The following PLEKHB1 variants were observed in gnomAD, a reference collection of about 807,000 sequenced individuals.
PLEKHB1 encodes pleckstrin homology domain-containing family B member 1.
PLEKHB1 carries 29 observed loss-of-function variants against 36.2 expected under a neutral mutation model. The observed-to-expected ratio is 0.80, with a 90% confidence interval of 0.60 to 1.09. The LOEUF is 1.09. PLEKHB1 is among the 50% of genes least tolerant of loss of function. PLEKHB1 has a pLI of 0.00. For synonymous variants in PLEKHB1, 138 were observed against 140.0 expected (o/e 0.99, Z 0.10); for missense variants, 330 against 348.2 (o/e 0.95, Z 0.42).
Position 73,651,293 on chromosome 11 carries a change from G to T in PLEKHB1, c.248-495G>T, listed in dbSNP as rs1373555035. 1.6e-5 allele frequency: 6 copies of T among 386,080 alleles called. No homozygotes were observed. In the Admixed American group the frequency reaches 1.9e-4, roughly 12 times the overall value. The allele number at this position is 386,080 out of a possible 1,614,324, so 23.9% of individuals were successfully genotyped here. The stretch of plus-strand genomic sequence containing the variant: ...GATTGCTTGAGCCTGGGAGGCAGAG[G>T]TTGCAGTGAGTGTTCATGGCACTGC... On this transcript the variant is annotated intron_variant, in intron 3 of 7. Transcript: ENST00000354190.
chr11:73,655,794 C>T lies in PLEKHB1; in HGVS notation c.391-9C>T, dbSNP rs750322351. On this transcript the variant is annotated splice_polypyrimidine_tract_variant and intron_variant, in intron 5 of 7. Coordinates refer to ENST00000354190, the MANE Select transcript of PLEKHB1 (RefSeq NM_021200.3). ...CCTCCTCCTTCTTGGGTTTCTGTGG[C>T]TTGAGCAGGCCCCAGCTGGAGCCAC... 2 of 1,613,004 alleles carry T rather than the reference C, an allele frequency of 1.2e-6. No homozygotes were observed. Among genetic ancestry groups the T allele is most frequent in the East Asian group, 4.5e-5 (2 of 44,866 alleles).
chr11:73,649,834 G>A (rs923643910), intron 2 of PLEKHB1, among the ~76,000 whole-genome samples: 1 of 152,204 alleles, frequency 6.6e-6, no homozygotes, highest in Non-Finnish European at 1.5e-5. Flanking sequence ...GCCAGGACCT[G>A]CGTGGGGAGC....
Position 73,649,060 on chromosome 11 carries a change from G to A in PLEKHB1, c.67G>A (p.Val23Met). The A allele has an allele frequency of 1.2e-6, 2 of 1,601,448 alleles. No individual in the cohort carries two copies. The highest frequency in any genetic ancestry group is 1.7e-6 in the Non-Finnish European group (2 of 1,174,142). Residue 23 changes from valine (V) to methionine (M), a missense_variant, in exon 2 of 8, where the codon GTG (valine) becomes ATG (methionine). Val to Met is a conservative substitution (Grantham distance 21). Coordinates refer to ENST00000354190, the MANE Select transcript of PLEKHB1 (RefSeq NM_021200.3). ...AAGTCCTTTTGAAGAAATGGCCCTG[G>A]TGAGGGGCGGCTGGCTGTGGAGACA... is the stretch of plus-strand genomic sequence containing the variant. ...LESPFEEMAL[V>M]RGGWLWRQSS...
At chr11:73,657,165 T>G (rs892146603) in intron 6 of PLEKHB1, among the ~76,000 whole-genome samples, 1 of 152,100 alleles carries the variant, frequency 6.6e-6, no homozygotes, top group Admixed American at 6.5e-5. Context: ...TGTCTCCTGA[T>G]GACTCTGATG....
chr11:73,653,419 G>A, intron 5 of PLEKHB1: 1 of 474,414 alleles, frequency 2.1e-6, no homozygotes, highest in South Asian at 1.5e-5. Flanking sequence ...TTACTGAGCT[G>A]CTACTATGGG....
chr11:73,648,498 C>G (rs945317312), intron 1 of PLEKHB1, among the ~76,000 whole-genome samples: 2 of 152,196 alleles, frequency 1.3e-5, no homozygotes, highest in African/African-American at 4.8e-5. Flanking sequence ...GTAAACAGCT[C>G]TAGTGGGGTC....
intron 3 of PLEKHB1, among the ~76,000 whole-genome samples, chr11:73,651,182 T>TG (rs1944883745): frequency 6.6e-6 from 1 of 151,562 alleles, no homozygotes; most frequent in South Asian, 2.1e-4. Flanking sequence ...AAACCCCGTC[T>TG]CTACCAAAAC....
In PLEKHB1 at chr11:73,646,752, GC is replaced by G. The variant is rs536541135; in HGVS notation, c.18+127del. On this transcript the variant is annotated intron_variant, in intron 1 of 7. Transcript: ENST00000354190. ...TCTGGTCTCTGAATGACATCCTGTG[GC>G]TGCTGGTAGGTGAGGGTTTGCGGGG... The G allele has an allele frequency of 2.0e-5, 21 of 1,034,236 alleles. No individual in the cohort carries two copies. In the East Asian group the frequency reaches 5.5e-4, roughly 27 times the overall value. The allele number at this position is 1,034,236 out of a possible 1,614,324, so 64.1% of individuals were successfully genotyped here.
intron 6 of PLEKHB1, among the ~76,000 whole-genome samples, chr11:73,659,911 TA>T (rs1945069431): frequency 6.6e-6 from 1 of 152,324 alleles, no homozygotes; most frequent in South Asian, 2.1e-4. Flanking sequence ...CAATAATCGT[TA>T]CAGCCTAGTG....
At chr11:73,657,828 A>T (rs896249124) in intron 6 of PLEKHB1, among the ~76,000 whole-genome samples, 2 of 152,148 alleles carry the variant, frequency 1.3e-5, no homozygotes, top group African/African-American at 4.8e-5. Context: ...TCCCTATTGG[A>T]TCACTGATGG....
At chr11:73,657,465 C>T (rs1945016932) in intron 6 of PLEKHB1, among the ~76,000 whole-genome samples, 1 of 152,234 alleles carries the variant, frequency 6.6e-6, no homozygotes, top group Non-Finnish European at 1.5e-5. Flanking sequence ...CCTGATTGGT[C>T]AACACTGGTT....
At chr11:73,657,125 A>C (rs1412872345) in intron 6 of PLEKHB1, among the ~76,000 whole-genome samples, 1 of 152,152 alleles carries the variant, frequency 6.6e-6, no homozygotes, top group Non-Finnish European at 1.5e-5. Flanking sequence ...CCTGGGCAAC[A>C]GAGTAAGACT....
intron 1 of PLEKHB1, 124 bp downstream of exon 1, chr11:73,646,750 T>C: frequency 1.9e-6 from 2 of 1,053,172 alleles, no homozygotes; most frequent in Non-Finnish European, 1.4e-6. Context: ...TGACATCCTG[T>C]GGCTGCTGGT....
At chr11:73,648,885 G>A (rs113878239) in intron 1 of PLEKHB1, 127 bp from the exon 2 acceptor site, 17 of 1,437,760 alleles carry the variant, frequency 1.2e-5, no homozygotes, top group South Asian at 2.9e-5. Flanking sequence ...GGCCGAGGCC[G>A]CCTGGCCCTT....
intron 1 of PLEKHB1, chr11:73,647,645 C>G: frequency 1.0e-6 from 1 of 985,366 alleles, no homozygotes; most frequent in Non-Finnish European, 1.2e-6. Context: ...CCAGGCTCTC[C>G]GGGGCACACA....
chr11:73,655,279 G>C (rs1020141745), intron 5 of PLEKHB1, among the ~76,000 whole-genome samples: 5 of 152,156 alleles, frequency 3.3e-5, no homozygotes, highest in Non-Finnish European at 5.9e-5. Context: ...ATTTGTGCCT[G>C]TGTCTACCTA....
rs151050256 is a variant in PLEKHB1 at position 73,655,159 on chromosome 11, C to T, written c.391-644C>T. 2.5e-3 allele frequency among the ~76,000 whole-genome samples: 375 copies of T among 152,302 alleles called. 1 individual carries two copies. Among genetic ancestry groups the T allele is most frequent in the Admixed American group, 4.6e-3 (71 of 15,296 alleles). On this transcript the variant is annotated intron_variant, in intron 5 of 7. Coordinates refer to ENST00000354190, the MANE Select transcript of PLEKHB1 (RefSeq NM_021200.3). ...GCGGCCTCGTCCTTCTCTGCCTGTC[C>T]ATCTCCTGTGGCTCTGCTGACCCTT...
intron 3 of PLEKHB1, chr11:73,651,434 A>G: frequency 2.0e-6 from 1 of 498,824 alleles, no homozygotes; most frequent in Non-Finnish European, 3.9e-6. Context: ...TGAGCCAGGC[A>G]CAGTTCCTGC....
chr11:73,651,766 A>T, intron 3 of PLEKHB1, 22 bp from the exon 4 acceptor site: 2 of 1,601,924 alleles, frequency 1.2e-6, no homozygotes, highest in Non-Finnish European at 8.5e-7. Context: ...GTGGAAACCC[A>T]TATATGTGTG....
Sources: gnomAD v4.1 joint callset for allele counts (sites outside exome capture counted in the v4.1 genomes callset) on GRCh38, gnomAD v4.1.1 for gene constraint, MANE v1.5 for transcripts, NCBI Gene and HGNC (gene_info 2026-07-23, HGNC 2026-07-21) for gene names.